Variants in KITLG observed in about 807,000 individuals in gnomAD.
KITLG encodes the protein KIT ligand.
KITLG carries 13 observed loss-of-function variants against 34.1 expected under a neutral mutation model. The observed-to-expected ratio is 0.38, with a 90% CI of 0.25 to 0.61. KITLG has a LOEUF of 0.61. KITLG is among the 20% of genes least tolerant of loss of function. KITLG has a pLI of 0.60. For synonymous variants in KITLG, 110 were observed against 104.0 expected, an observed-to-expected ratio of 1.06 and a Z score of -0.35; for missense variants, 292 against 318.9, an observed-to-expected ratio of 0.92 and a Z score of 0.64.
intron 1 of KITLG, among the ~76,000 whole-genome samples, chr12:88,572,486 T>C (rs1871683785): frequency 6.6e-6 from 1 of 150,496 alleles, no homozygotes; most frequent in Non-Finnish European, 1.5e-5. Context: ...CATAGAGTAC[T>C]GTGGCTTCAG....
Position 88,496,971 on chromosome 12 carries a change from T to TA in KITLG, c.*247dup, listed in dbSNP as rs1566016022. 5.2e-6 allele frequency: 1 copy of TA among 191,354 alleles called. No homozygotes were observed. Among genetic ancestry groups the TA allele is most frequent in the Non-Finnish European group, 1.1e-5 (1 of 89,922 alleles). The allele number at this position is 191,354 out of a possible 1,614,324, so 11.9% of individuals were successfully genotyped here. On this transcript the variant is annotated 3_prime_UTR_variant, in exon 10 of 10. Coordinates refer to ENST00000644744, the MANE Select transcript of KITLG (RefSeq NM_000899.5). ...AATGAGACCCAAGTCCCGCAGTCCT[T>TA]AAAATAGAGTCCTGCTCCATGCAAG...
chr12:88,510,363 A>T (rs1342653312), intron 6 of KITLG, among the ~76,000 whole-genome samples: 1 of 152,152 alleles, frequency 6.6e-6, no homozygotes, highest in Non-Finnish European at 1.5e-5. Context: ...GTACTTAATG[A>T]TGAACTCTTA....
chr12:88,516,338 C>T lies in KITLG; in HGVS notation c.516G>A (p.Glu172=), dbSNP rs572585681. The stretch of plus-strand genomic sequence containing the variant: ...GGAAATGCTTACATGTCTTACCTTT[C>T]TCAGGACTTAATGTTGAAGAAACCA... ...DCVVSSTLSP[E]KDSRVSVTKP... Residue 172 remains glutamate (E), a synonymous_variant, in exon 5 of 10, where the codon GAG becomes GAA. Coordinates refer to ENST00000644744, the MANE Select transcript of KITLG (RefSeq NM_000899.5). 58 of 1,610,308 alleles carry T rather than the reference C, an allele frequency of 3.6e-5. 1 individual carries two copies. In the South Asian group the frequency reaches 6.2e-4, roughly 17 times the overall value.
chr12:88,564,742 T>TAA (rs5799870), intron 1 of KITLG, among the ~76,000 whole-genome samples: 25 of 149,080 alleles, frequency 1.7e-4, no homozygotes, highest in Middle Eastern at 3.4e-3. Flanking sequence ...CTTACCTGAT[T>TAA]AAAAAAAAAA....
At chr12:88,563,134 A>C (rs1225643309) in intron 1 of KITLG, among the ~76,000 whole-genome samples, 1 of 152,238 alleles carries the variant, frequency 6.6e-6, no homozygotes, top group East Asian at 1.9e-4. Context: ...AACATTTCTA[A>C]AGTAGCCATT....
intron 9 of KITLG, among the ~76,000 whole-genome samples, chr12:88,501,190 A>G (rs1868842985): frequency 1.3e-5 from 2 of 152,032 alleles, no homozygotes; most frequent in African/African-American, 2.4e-5. Context: ...TCATTTTCCA[A>G]TTATAGGTTA....
At chr12:88,503,221 T>C (rs193029825) in intron 9 of KITLG, among the ~76,000 whole-genome samples, 6 of 152,328 alleles carry the variant, frequency 3.9e-5, no homozygotes, top group African/African-American at 1.4e-4. Flanking sequence ...TTATATCATG[T>C]TATCTTGAGT....
intron 3 of KITLG, among the ~76,000 whole-genome samples, chr12:88,524,068 C>T (rs991695778): frequency 6.6e-6 from 1 of 152,174 alleles, no homozygotes; most frequent in Non-Finnish European, 1.5e-5. Context: ...AGTTTTTAGT[C>T]CCAACTCTGT....
intron 1 of KITLG, among the ~76,000 whole-genome samples, chr12:88,576,379 A>G (rs1163040787): frequency 6.6e-6 from 1 of 152,176 alleles, no homozygotes; most frequent in African/African-American, 2.4e-5. Flanking sequence ...TGCTTGGTTC[A>G]TTAGGCATAA....
intron 2 of KITLG, chr12:88,534,829 ATCTTTG>A: frequency 5.5e-6 from 2 of 365,102 alleles, no homozygotes; most frequent in Middle Eastern, 3.8e-4. Context: ...CTTCATCCTC[ATCTTTG>A]AAAGGAAAAA....
chr12:88,540,006 A>T (rs1870467217), intron 2 of KITLG, among the ~76,000 whole-genome samples: 1 of 152,068 alleles, frequency 6.6e-6, no homozygotes, highest in Admixed American at 6.6e-5. Flanking sequence ...ATAGATAACA[A>T]TTTTTTCTTT....
At position 88,516,394 on chromosome 12, in the gene KITLG, A is replaced by G. The variant is rs1287672604; in HGVS notation, c.460T>C (p.Phe154Leu). 8 of 1,611,138 alleles carry G rather than the reference A, an allele frequency of 5.0e-6. No individual in the cohort carries two copies. The highest frequency in any genetic ancestry group is 6.8e-6 in the Non-Finnish European group (8 of 1,177,916). Residue 154 changes from phenylalanine (F) to leucine (L), a missense_variant, in exon 5 of 10, where the codon TTT becomes CTT. Phe to Leu is a conservative substitution (Grantham distance 22). This residue lies in a region of KITLG where 152 missense variants were observed against 207.9 expected (regional missense o/e 0.73). Transcript: ENST00000644744. ...FNRSIDAFKD[F>L]VVASETSDCV... ...TCACTAGTTTCAGATGCCACTACAA[A>G]GTCCTTGAAGGCATCAATGGATCTA...
At chr12:88,538,952 G>C (rs1029155870) in intron 2 of KITLG, among the ~76,000 whole-genome samples, 1 of 152,154 alleles carries the variant, frequency 6.6e-6, no homozygotes, top group Non-Finnish European at 1.5e-5. Flanking sequence ...ATGTCTTAAT[G>C]ATTGACCATG....
At chr12:88,509,480 G>T (rs2120816248) in intron 6 of KITLG, among the ~76,000 whole-genome samples, 1 of 152,330 alleles carries the variant, frequency 6.6e-6, no homozygotes, top group East Asian at 1.9e-4. Flanking sequence ...GCTCAGACTT[G>T]CTCTCTGAGA....
At chr12:88,525,276 T>C (rs1869824083) in intron 3 of KITLG, among the ~76,000 whole-genome samples, 1 of 152,178 alleles carries the variant, frequency 6.6e-6, no homozygotes, top group Admixed American at 6.5e-5. Flanking sequence ...ACCCATGCCC[T>C]TAGGTGACAT....
chr12:88,516,950 G>A (rs2120836634), intron 4 of KITLG, among the ~76,000 whole-genome samples: 1 of 151,790 alleles, frequency 6.6e-6, no homozygotes, highest in Non-Finnish European at 1.5e-5. Context: ...CTGAGATAAT[G>A]TAAGTTGGTA....
At chr12:88,535,613 TTACATTTGGAAGAGAACTTA>T (rs1870285079) in intron 2 of KITLG, among the ~76,000 whole-genome samples, 1 of 152,182 alleles carries the variant, frequency 6.6e-6, no homozygotes, top group Non-Finnish European at 1.5e-5. Flanking sequence ...TTCCTTCTAA[TTACATTTGGAAGAGAACTTA>T]GAAAGTCAAG....
chr12:88,499,897 T>G (rs1868786226), intron 9 of KITLG, among the ~76,000 whole-genome samples: 1 of 152,156 alleles, frequency 6.6e-6, no homozygotes, highest in South Asian at 2.1e-4. Flanking sequence ...GGACTCAATT[T>G]CTCTAGTTAA....
chr12:88,551,717 C>T (rs552478943), intron 1 of KITLG, among the ~76,000 whole-genome samples: 2 of 152,176 alleles, frequency 1.3e-5, no homozygotes, highest in Non-Finnish European at 2.9e-5. Flanking sequence ...CAACATGTGT[C>T]CCATATGGGA....
Sources: gnomAD v4.1 joint callset for allele counts (sites outside exome capture counted in the v4.1 genomes callset) on GRCh38, gnomAD v4.1.1 for gene constraint, gnomAD v4.1.1 regional missense constraint, MANE v1.5 for transcripts, NCBI Gene and HGNC (gene_info 2026-07-23, HGNC 2026-07-21) for gene names.